Variants in CCND2 observed in about 807,000 individuals in gnomAD.
The protein encoded by CCND2 is cyclin D2.
A neutral mutation model predicts 30.2 loss-of-function variants in CCND2; 6 were observed. The ratio of observed to expected loss-of-function variants is 0.20; its 90% CI spans 0.11 to 0.39. The LOEUF (loss-of-function observed/expected upper bound fraction) is 0.39, where lower values mean the gene tolerates loss of function less well. CCND2 is among the 10% of genes least tolerant of loss of function. CCND2 has a pLI of 1.00. For synonymous variants in CCND2, 150 were observed against 153.1 expected, an observed-to-expected ratio of 0.98 and a Z score of 0.15; for missense variants, 235 against 373.4, an observed-to-expected ratio of 0.63 and a Z score of 3.06.
Position 4,288,834 on chromosome 12 carries a change from C to T in CCND2, c.572-8C>T, listed in dbSNP as rs779377897. ...GTGCCCTGACCTTCTGCCTCTCATT[C>T]CTTGCAGACTTTAAGTTTGCCATGT... On this transcript the variant is annotated splice_polypyrimidine_tract_variant and splice_region_variant and intron_variant, in intron 3 of 4. Transcript: ENST00000261254. The T allele has an allele frequency of 5.6e-6, 9 of 1,607,092 alleles. No individual in the cohort carries two copies. The highest frequency in any genetic ancestry group is 6.8e-6 in the Non-Finnish European group (8 of 1,176,336).
chr12:4,296,139 G>C (rs1018475904), intron 4 of CCND2, among the ~76,000 whole-genome samples: 1 of 152,258 alleles, frequency 6.6e-6, no homozygotes, highest in Non-Finnish European at 1.5e-5. Flanking sequence ...GCCTGAAACC[G>C]AGTTCTTTCG....
Position 4,304,934 on chromosome 12 carries a change from C to A in CCND2, c.*4925C>A. On this transcript the variant is annotated 3_prime_UTR_variant, in exon 5 of 5. Transcript: ENST00000261254. The surrounding 1 kb of genome is among the most constrained non-coding windows in gnomAD (Gnocchi z 6.2). ...CCCTTATATCATGTACCTCAGATCT[C>A]TCTCTCTCTCCTCTCTCTCAGTTAT... The A allele has an allele frequency of 4.3e-6, 1 of 230,078 alleles. No individual in the cohort carries two copies. Among genetic ancestry groups the A allele is most frequent in the East Asian group, 6.1e-5 (1 of 16,288 alleles). The allele number at this position is 230,078 out of a possible 1,614,324, so 14.3% of individuals were successfully genotyped here. A position where few individuals can be genotyped will look rare whatever the true frequency, so the allele number is the denominator to read the frequency against.
chr12:4,303,127 G>A lies in CCND2; in HGVS notation c.*3118G>A, dbSNP rs1273896893. On this transcript the variant is annotated 3_prime_UTR_variant, in exon 5 of 5. Transcript: ENST00000261254. The surrounding 1 kb of genome is among the most constrained non-coding windows in gnomAD (Gnocchi z 4.6). The stretch of plus-strand genomic sequence containing the variant: ...ACCGGACAAATAAGGAAGGGCACAA[G>A]CCTACCCGACTCTATTTACAGTCTG... The A allele has an allele frequency of 8.6e-6, 2 of 233,074 alleles. No individual in the cohort carries two copies. Among genetic ancestry groups the A allele is most frequent in the African/African-American group, 2.2e-5 (1 of 45,302 alleles). 14.4% of individuals were successfully genotyped at this position (233,074 alleles called of 1,614,324 possible).
At chr12:4,275,932 T>G in intron 1 of CCND2, 73 bp from the exon 2 acceptor site, 1 of 994,384 alleles carries the variant, frequency 1.0e-6, no homozygotes, top group Non-Finnish European at 1.5e-6. Context: ...TTACGCTTTT[T>G]TATTCTTTTT....
intron 3 of CCND2, among the ~76,000 whole-genome samples, chr12:4,280,742 C>A (rs1863937634): frequency 6.6e-6 from 1 of 152,344 alleles, no homozygotes; most frequent in South Asian, 2.1e-4. Flanking sequence ...TGACCCCCGA[C>A]CCTAAACTCC....
chr12:4,281,233 G>A (rs1863943568), intron 3 of CCND2, among the ~76,000 whole-genome samples: 1 of 152,326 alleles, frequency 6.6e-6, no homozygotes, highest in South Asian at 2.1e-4. Flanking sequence ...GGCCTGTATC[G>A]AAAGAAGTTG....
chr12:4,291,311 AG>A (rs1864098604), intron 4 of CCND2, among the ~76,000 whole-genome samples: 2 of 151,812 alleles, frequency 1.3e-5, no homozygotes, highest in South Asian at 4.2e-4. Flanking sequence ...CTCAGAGGGA[AG>A]AAAAATAAAA....
Position 4,282,129 on chromosome 12 carries a change from C to G in CCND2, c.571+3210C>G, listed in dbSNP as rs1375152001. ...ATTGGAGATGACCTGGGTTCGCACT[C>G]TGGCACTGGGAGATTGTTGAGATGT... On this transcript the variant is annotated intron_variant, in intron 3 of 4. Coordinates refer to ENST00000261254, the MANE Select transcript of CCND2 (RefSeq NM_001759.4). The surrounding 1 kb of genome is among the most constrained non-coding windows in gnomAD (Gnocchi z 4.3). Among the ~76,000 whole-genome samples, 1 of 152,178 alleles carries G rather than the reference C, an allele frequency of 6.6e-6. No homozygotes were observed. Among genetic ancestry groups the G allele is most frequent in the African/African-American group, 2.4e-5 (1 of 41,448 alleles).
Position 4,287,753 on chromosome 12 carries a change from G to A in CCND2, c.572-1089G>A, listed in dbSNP as rs1337413380. 6.6e-6 allele frequency among the ~76,000 whole-genome samples: 1 copy of A among 152,218 alleles called. No homozygotes were observed. The highest frequency in any genetic ancestry group is 1.5e-5 in the Non-Finnish European group (1 of 68,040). ...AATGTGTAGCGTACTGCATGTGGTG[G>A]TCATTGGTAGCTGTCAGCAGCTGTA... is the stretch of plus-strand genomic sequence containing the variant. On this transcript the variant is annotated intron_variant, in intron 3 of 4. Coordinates refer to ENST00000261254, the MANE Select transcript of CCND2 (RefSeq NM_001759.4). The surrounding 1 kb of genome is among the most constrained non-coding windows in gnomAD (Gnocchi z 4.0).
At position 4,293,187 on chromosome 12, in the gene CCND2, C is replaced by T. The variant is rs1864123500; in HGVS notation, c.720+4197C>T. Among the ~76,000 whole-genome samples, 1 of 152,182 alleles carries T rather than the reference C, an allele frequency of 6.6e-6. No individual in the cohort carries two copies. Among genetic ancestry groups the T allele is most frequent in the Non-Finnish European group, 1.5e-5 (1 of 68,036 alleles). On this transcript the variant is annotated intron_variant, in intron 4 of 4. Coordinates refer to ENST00000261254, the MANE Select transcript of CCND2 (RefSeq NM_001759.4). This position sits in a 1 kb window ranked among gnomAD's most constrained non-coding sequence, Gnocchi z 4.9. ...CCGAGCCTTCTGAGTTTTCCCCAAC[C>T]TTATCTTAGAGTAGGTTAAATGAAG...
Position 4,303,278 on chromosome 12 carries a change from C to G in CCND2, c.*3269C>G. 1 of 233,348 alleles carries G rather than the reference C, an allele frequency of 4.3e-6. No individual in the cohort carries two copies. The highest frequency in any genetic ancestry group is 8.5e-6 in the Non-Finnish European group (1 of 118,136). The allele number at this position is 233,348 out of a possible 1,614,324, so 14.5% of individuals were successfully genotyped here. ...GATGGGAAAGTCGGGGGTTGTTAGG[C>G]TTTTCTGCCTGCTCCTGCTTAAACA... is the stretch of plus-strand genomic sequence containing the variant. On this transcript the variant is annotated 3_prime_UTR_variant, in exon 5 of 5. Transcript: ENST00000261254. This position sits in a 1 kb window ranked among gnomAD's most constrained non-coding sequence, Gnocchi z 4.6.
chr12:4,276,202 C>A lies in CCND2; in HGVS notation c.393C>A (p.Ile131=). The A allele has an allele frequency of 6.2e-7, 1 of 1,614,092 alleles. No homozygotes were observed. The highest frequency in any genetic ancestry group is 8.5e-7 in the Non-Finnish European group (1 of 1,179,958). Reference sequence around the variant, plus strand: ...TGTGCATTTACACCGACAACTCCATCAAGCCTCAGGAGCTGCTGGTAATGA... The same window carrying A: ...TGTGCATTTACACCGACAACTCCATAAAGCCTCAGGAGCTGCTGGTAATGA... The part of the protein sequence containing the change: ...EKLCIYTDNS[I]KPQELLEWEL... The change falls in exon 2 of 5, where the codon ATC becomes ATA. Residue 131 remains isoleucine (I), a synonymous_variant. Transcript: ENST00000261254. The surrounding 1 kb of genome is among the most constrained non-coding windows in gnomAD (Gnocchi z 4.8).
chr12:4,276,046 G>A lies in CCND2; in HGVS notation c.237G>A (p.Leu79=), dbSNP rs1863869667. 6.2e-7 allele frequency: 1 copy of A among 1,607,672 alleles called. No homozygotes were observed. The highest frequency in any genetic ancestry group is 1.1e-5 in the South Asian group (1 of 90,940). ...EQKCEEEVFP[L]AMNYLDRFLA... is the part of the protein sequence containing the mutation. ...AGTGCGAAGAAGAGGTCTTCCCTCT[G>A]GCCATGAATTACCTGGACCGTTTCT... The change falls in exon 2 of 5, where the codon CTG becomes CTA. Residue 79 remains leucine (L), a synonymous_variant. Coordinates refer to ENST00000261254, the MANE Select transcript of CCND2 (RefSeq NM_001759.4). The surrounding 1 kb of genome is among the most constrained non-coding windows in gnomAD (Gnocchi z 4.8).
At chr12:4,284,915 T>C (rs1321826092) in intron 3 of CCND2, among the ~76,000 whole-genome samples, 1 of 152,024 alleles carries the variant, frequency 6.6e-6, no homozygotes, top group Non-Finnish European at 1.5e-5. Context: ...TTTGTATTTT[T>C]AGTACAGACA....
rs912482234 is a variant in CCND2, at chr12:4,282,691, G to A, written c.571+3772G>A. On this transcript the variant is annotated intron_variant, in intron 3 of 4. Transcript: ENST00000261254. This position sits in a 1 kb window ranked among gnomAD's most constrained non-coding sequence, Gnocchi z 4.3. Reference sequence around the variant, plus strand: ...CTTGCCATCGCTCTTCCCTCTGGCTGTAAGATGAATGGGTAGCAGGCTGCT... The same window carrying A: ...CTTGCCATCGCTCTTCCCTCTGGCTATAAGATGAATGGGTAGCAGGCTGCT... Among the ~76,000 whole-genome samples the A allele has an allele frequency of 2.0e-5, 3 of 152,224 alleles. No individual in the cohort carries two copies. Among genetic ancestry groups the A allele is most frequent in the African/African-American group, 7.2e-5 (3 of 41,460 alleles).
rs772100759 is a variant in CCND2, at chr12:4,299,938, G to C, written c.799G>C (p.Asp267His). ...SLQQYRQDQRDGSKSEDELDQ... is the reference protein window; with the variant it reads ...SLQQYRQDQRHGSKSEDELDQ... ...GCAGCAGTACCGTCAGGACCAACGT[G>C]ACGGATCCAAGTCGGAGGATGAACT... is the stretch of plus-strand genomic sequence containing the variant. Residue 267 changes from aspartate to histidine, a missense_variant, in exon 5 of 5, where the codon GAC becomes CAC. Physicochemically the swap from Asp to His is moderately conservative, Grantham distance 81. This residue lies in a region of CCND2 where 57 missense variants were observed against 50.7 expected (regional missense o/e 1.12). Transcript: ENST00000261254. The surrounding 1 kb of genome is among the most constrained non-coding windows in gnomAD (Gnocchi z 5.2). 2 of 1,614,178 alleles carry C rather than the reference G, an allele frequency of 1.2e-6. No homozygotes were observed. The highest frequency in any genetic ancestry group is 3.3e-5 in the Admixed American group (2 of 60,026).
intron 4 of CCND2, among the ~76,000 whole-genome samples, chr12:4,292,374 C>T (rs1864112839): frequency 6.6e-6 from 1 of 152,092 alleles, no homozygotes; most frequent in Non-Finnish European, 1.5e-5. Context: ...TATATGTCAG[C>T]TCCTACACAC....
chr12:4,297,570 CAAAAAAA>C (rs71061177), intron 4 of CCND2, among the ~76,000 whole-genome samples: 9 of 74,752 alleles, frequency 1.2e-4, no homozygotes, highest in East Asian at 5.9e-4. Context: ...CACTCTGTCT[CAAAAAAA>C]AAAAAAAAAA....
intron 4 of CCND2, among the ~76,000 whole-genome samples, chr12:4,291,207 C>CTGTGTGTGTGTGTGTGTGTGTGTGTGTG (rs1320194012): frequency 0.013 from 1,847 of 138,748 alleles, 64 homozygotes; most frequent in South Asian, 0.036. Flanking sequence ...CTGGGCTAGG[C>CTGTGTGTGTGTGTGTGTGTGTGTGTGTG]TGTGTGTGTG....
Sources: gnomAD v4.1 joint callset for allele counts (sites outside exome capture counted in the v4.1 genomes callset) on GRCh38, gnomAD v4.1.1 for gene constraint, gnomAD v4.1.1 regional missense constraint, Gnocchi (gnomAD v3.1) non-coding constraint, MANE v1.5 for transcripts, NCBI Gene and HGNC (gene_info 2026-07-23, HGNC 2026-07-21) for gene names.